ZNF845: variants seen among roughly 807,000 people sequenced by gnomAD.
ZNF845 encodes zinc finger protein 845.
In ZNF845, 59 loss-of-function variants were observed where a neutral mutation model predicts 76.1. The observed-to-expected ratio is 0.78, with a 90% CI of 0.63 to 0.96. ZNF845 has a LOEUF of 0.96. ZNF845 is among the 40% of genes least tolerant of loss of function. The probability of loss-of-function intolerance (pLI) is 0.00; values close to 1 mark genes in which losing one functional copy is unlikely to be tolerated. For synonymous variants in ZNF845, 361 were observed against 386.9 expected (o/e 0.93, Z 0.78); for missense variants, 1,045 against 1,172.8 (o/e 0.89, Z 1.59).
intron 1 of ZNF845, among the ~76,000 whole-genome samples, chr19:53,337,629 CGT>C (rs2085224863): frequency 2.0e-5 from 3 of 151,982 alleles, no homozygotes; most frequent in African/African-American, 7.3e-5. Context: ...AGTGCAGTGG[CGT>C]AATCATGGTT....
At chr19:53,334,159 C>T (rs756953523) in intron 1 of ZNF845, among the ~76,000 whole-genome samples, 97 of 152,350 alleles carry the variant, frequency 6.4e-4, no homozygotes, top group Non-Finnish European at 1.2e-4. Context: ...CCCCCACCTC[C>T]CTCCTCGTTC....
At chr19:53,348,273 C>T (rs919887201) in intron 3 of ZNF845, among the ~76,000 whole-genome samples, 4 of 151,954 alleles carry the variant, frequency 2.6e-5, no homozygotes, top group South Asian at 2.1e-4. Context: ...ATCTCAAAAA[C>T]AAACAAAAAA....
In ZNF845 at chr19:53,351,442, G is replaced by T. The variant is rs772949975; in HGVS notation, c.767G>T (p.Arg256Leu). The change falls in exon 4 of 4, where the codon CGA becomes CTA. Residue 256 changes from arginine to leucine, a missense_variant. By Grantham distance (102) the Arg-to-Leu change is moderately radical (BLOSUM62 -2). Transcript: ENST00000458035. ...TGTGGCAAGGTCTTTAATCAAAAGC[G>T]ATATCTTGCATGTCATCGTAGATGT... Reference protein sequence around the residue: ...DVCGKVFNQKRYLACHRRCHT... With the variant: ...DVCGKVFNQKLYLACHRRCHT... 6.2e-7 allele frequency: 1 copy of T among 1,614,178 alleles called. No individual in the cohort carries two copies. The highest frequency in any genetic ancestry group is 8.5e-7 in the Non-Finnish European group (1 of 1,180,026).
At position 53,352,105 on chromosome 19, in the gene ZNF845, G is replaced by A. The variant is rs1196767882; in HGVS notation, c.1430G>A (p.Ser477Asn). 6.2e-7 allele frequency: 1 copy of A among 1,613,844 alleles called. No individual in the cohort carries two copies. Among genetic ancestry groups the A allele is most frequent in the Non-Finnish European group, 8.5e-7 (1 of 1,179,958 alleles). Residue 477 changes from serine (S) to asparagine (N), a missense_variant, in exon 4 of 4, where the codon AGT (serine) becomes AAT (asparagine). Physicochemically the swap from Ser to Asn is conservative, Grantham distance 46. Coordinates refer to ENST00000458035, the MANE Select transcript of ZNF845 (RefSeq NM_138374.3). The stretch of plus-strand genomic sequence containing the variant: ...TGTAATGATTGTGGCAAGACCTTCA[G>A]TCAGACATCATCCCTTGTATACCAT... ...YKCNDCGKTF[S>N]QTSSLVYHRR...
rs1555824083 is a variant in ZNF845 at position 53,352,970 on chromosome 19, C to T, written c.2295C>T (p.His765=). The T allele has an allele frequency of 1.9e-6, 3 of 1,613,698 alleles. No homozygotes were observed. The highest frequency in any genetic ancestry group is 2.5e-6 in the Non-Finnish European group (3 of 1,179,884). ...GTCGCAAATCAAGCCTTGAAAAACACAGGAGAATTCATACTGGAGAGAAAC... is the reference window on the plus strand; with the variant it reads ...GTCGCAAATCAAGCCTTGAAAAACATAGGAGAATTCATACTGGAGAGAAAC... ...VFSRKSSLEK[H]RRIHTGEKPY... Residue 765 remains histidine, a synonymous_variant, in exon 4 of 4, where the codon CAC becomes CAT. Transcript: ENST00000458035.
Position 53,355,159 on chromosome 19 carries a change from C to G in ZNF845, c.*1571C>G, listed in dbSNP as rs1308342028. 1.3e-5 allele frequency: 2 copies of G among 151,982 alleles called. No homozygotes were observed. Among genetic ancestry groups the G allele is most frequent in the Non-Finnish European group, 2.9e-5 (2 of 68,028 alleles). The allele number at this position is 151,982 out of a possible 1,614,324, so 9.4% of individuals were successfully genotyped here. A position where few individuals can be genotyped will look rare whatever the true frequency, so the allele number is the denominator to read the frequency against. ...ACTCCTGACTTCAGGTGATCCGCCC[C>G]CATCAGCATCCCAAAGTTCTGGGAT... On this transcript the variant is annotated 3_prime_UTR_variant, in exon 4 of 4. Transcript: ENST00000458035.
At position 53,352,309 on chromosome 19, in the gene ZNF845, A is replaced by T; in HGVS notation, c.1634A>T (p.His545Leu). Reference protein sequence around the residue: ...KSSLTRHCRLHTGEKPYQCNE... With the variant: ...KSSLTRHCRLLTGEKPYQCNE... ...TCCCTTACACGCCATTGTAGACTTC[A>T]TACTGGAGAGAAACCTTACCAGTGT... Residue 545 changes from histidine (H) to leucine (L), a missense_variant, in exon 4 of 4, where the codon CAT becomes CTT. Coordinates refer to ENST00000458035, the MANE Select transcript of ZNF845 (RefSeq NM_138374.3). The T allele has an allele frequency of 6.2e-7, 1 of 1,614,000 alleles. No individual in the cohort carries two copies. The highest frequency in any genetic ancestry group is 8.5e-7 in the Non-Finnish European group (1 of 1,179,924).
At chr19:53,349,472 G>A (rs2085319148) in intron 3 of ZNF845, among the ~76,000 whole-genome samples, 1 of 150,722 alleles carries the variant, frequency 6.6e-6, no homozygotes, top group South Asian at 2.1e-4. Flanking sequence ...GTTTCACCTT[G>A]TTAGCTAGGA....
chr19:53,334,192 C>G (rs961473776), intron 1 of ZNF845, among the ~76,000 whole-genome samples: 18 of 152,140 alleles, frequency 1.2e-4, no homozygotes, highest in African/African-American at 4.3e-4. Context: ...CTCCCCAGGT[C>G]TCCCCACCGC....
At chr19:53,340,252 A>T (rs1308887477) in intron 1 of ZNF845, among the ~76,000 whole-genome samples, 1 of 152,172 alleles carries the variant, frequency 6.6e-6, no homozygotes, top group Admixed American at 6.5e-5. Context: ...GGGTTTCACC[A>T]TGTTGGCCAG....
At position 53,351,049 on chromosome 19, in the gene ZNF845, G is replaced by A. The variant is rs531097172; in HGVS notation, c.374G>A (p.Arg125Gln). ...EIKQLTGSTN[R>Q]HDQRHAGNKP... ...AAACAGTTGACGGGTAGTACAAACC[G>A]ACATGATCAAAGGCATGCTGGAAAC... The change falls in exon 4 of 4, where the codon CGA becomes CAA. Residue 125 changes from arginine (R) to glutamine (Q), a missense_variant. Coordinates refer to ENST00000458035, the MANE Select transcript of ZNF845 (RefSeq NM_138374.3). The A allele has an allele frequency of 3.7e-5, 59 of 1,614,022 alleles. No homozygotes were observed. The highest frequency in any genetic ancestry group is 3.1e-4 in the African/African-American group (23 of 74,910).
rs771232567 is a variant in ZNF845 at position 53,341,293 on chromosome 19, G to A, written c.-15G>A. The A allele has an allele frequency of 5.0e-6, 8 of 1,613,972 alleles. No individual in the cohort carries two copies. Among genetic ancestry groups the A allele is most frequent in the Non-Finnish European group, 5.9e-6 (7 of 1,179,928 alleles). On this transcript the variant is annotated 5_prime_UTR_variant, in exon 2 of 4. Transcript: ENST00000458035. ...AGAAACCCGGAAGAGGAAGAGGAAA[G>A]CAAAGGAGTCAGGGATGGCTCTTTC...
At chr19:53,339,739 C>T (rs1156793883) in intron 1 of ZNF845, among the ~76,000 whole-genome samples, 2 of 152,210 alleles carry the variant, frequency 1.3e-5, no homozygotes, top group African/African-American at 2.4e-5. Flanking sequence ...ATACTAGTAT[C>T]ACTCAGTCAT....
intron 2 of ZNF845, among the ~76,000 whole-genome samples, chr19:53,343,402 A>G (rs1001848634): frequency 1.3e-5 from 2 of 152,186 alleles, no homozygotes; most frequent in Non-Finnish European, 2.9e-5. Flanking sequence ...GCGTTACTAC[A>G]GATACCTGAA....
At chr19:53,333,832 A>C (rs1019593845) in intron 1 of ZNF845, 40 bp downstream of exon 1, 2 of 157,878 alleles carry the variant, frequency 1.3e-5, no homozygotes. Flanking sequence ...TGCGCTTCCC[A>C]AGTCCCCGGC....
chr19:53,334,662 AGAC>A (rs2085200087), intron 1 of ZNF845, among the ~76,000 whole-genome samples: 1 of 151,204 alleles, frequency 6.6e-6, no homozygotes, highest in Non-Finnish European at 1.5e-5. Flanking sequence ...GCACTTTAGG[AGAC>A]TGGGGCAGAG....
chr19:53,336,633 C>CTTTTTTTTTTTTTTTTTT (rs398035035), intron 1 of ZNF845, among the ~76,000 whole-genome samples: 6 of 92,434 alleles, frequency 6.5e-5, no homozygotes, highest in Admixed American at 1.2e-4. Context: ...TTCTTTCTTT[C>CTTTTTTTTTTTTTTTTTT]TTTTTTTTTT....
At chr19:53,338,536 T>C (rs1052575639) in intron 1 of ZNF845, among the ~76,000 whole-genome samples, 3 of 150,332 alleles carry the variant, frequency 2.0e-5, no homozygotes, top group African/African-American at 2.5e-5. Context: ...ACTAGTTCTG[T>C]TCCGGAGCAG....
chr19:53,343,408 C>T (rs887815598), intron 2 of ZNF845, among the ~76,000 whole-genome samples: 2 of 152,186 alleles, frequency 1.3e-5, no homozygotes, highest in Admixed American at 1.3e-4. Flanking sequence ...CTACAGATAC[C>T]TGAAGATTCC....
Sources: gnomAD v4.1 joint callset for allele counts (sites outside exome capture counted in the v4.1 genomes callset) on GRCh38, gnomAD v4.1.1 for gene constraint, MANE v1.5 for transcripts, NCBI Gene and HGNC (gene_info 2026-07-23, HGNC 2026-07-21) for gene names.